Variants in ZZEF1 observed in about 807,000 individuals in gnomAD.
ZZEF1 encodes the protein zinc finger ZZ-type and EF-hand domain containing 1, also known as zinc finger ZZ-type and EF-hand domain-containing protein 1.
In ZZEF1, 157 loss-of-function variants were observed where a neutral mutation model predicts 342.8. The observed-to-expected ratio is 0.46, with a 90% CI of 0.40 to 0.52. ZZEF1 has a LOEUF of 0.52. Ranked by LOEUF, ZZEF1 falls within the 20% of genes least tolerant of loss-of-function variation. The pLI, the probability that ZZEF1 is intolerant of heterozygous loss-of-function variation, is 0.00. For missense variants in ZZEF1, 3,480 were observed against 3,725.6 expected (o/e 0.93, Z 1.72); for synonymous variants, 1,505 against 1,429.1 (o/e 1.05, Z -1.20).
chr17:4,029,869 C>A, intron 42 of ZZEF1, among the ~76,000 whole-genome samples: 1 of 116,926 alleles, frequency 8.6e-6, no homozygotes, highest in East Asian at 2.4e-4. Context: ...AGCAAAACTC[C>A]ATCTCAAAAA....
intron 45 of ZZEF1, among the ~76,000 whole-genome samples, chr17:4,020,200 G>A (rs569451854): frequency 6.6e-6 from 1 of 152,308 alleles, no homozygotes; most frequent in South Asian, 2.1e-4. Context: ...TGTGATCATA[G>A]CTCATACCAC....
At chr17:4,076,276 C>T (rs1468826443) in intron 21 of ZZEF1, 5 of 154,798 alleles carry the variant, frequency 3.2e-5, no homozygotes, top group African/African-American at 9.8e-5. Context: ...GGACTACAGG[C>T]GCCCACCATC....
chr17:4,007,117 G>A (rs1341754195), intron 54 of ZZEF1, 147 bp from the exon 55 acceptor site: 8 of 684,786 alleles, frequency 1.2e-5, no homozygotes, highest in Admixed American at 3.0e-5. Flanking sequence ...CCTGCAGAGT[G>A]GAGAGAGAAA....
chr17:4,110,474 C>G (rs780413535), intron 5 of ZZEF1, among the ~76,000 whole-genome samples: 1 of 152,172 alleles, frequency 6.6e-6, no homozygotes, highest in Non-Finnish European at 1.5e-5. Flanking sequence ...CACAAAGACT[C>G]TACCTCCCTA....
intron 1 of ZZEF1, among the ~76,000 whole-genome samples, chr17:4,129,018 C>T (rs1031995376): frequency 6.6e-5 from 10 of 152,038 alleles, no homozygotes; most frequent in African/African-American, 1.7e-4. Flanking sequence ...CTGCCCACCT[C>T]GGCCTCCCAA....
Position 4,017,512 on chromosome 17 carries a change from G to C in ZZEF1, c.7860C>G (p.Arg2620=), listed in dbSNP as rs2144959579. 1.2e-6 allele frequency: 2 copies of C among 1,614,274 alleles called. No individual in the cohort carries two copies. ...CGGCGAGCAGGGATGCAAGCACGTG[G>C]CGGGCGTACAGGACAGCTGTGGCCT... ...VNEATAVLYA[R]HVLASLLAEW... is the part of the protein sequence containing the mutation. The change falls in exon 48 of 55, where the codon CGC becomes CGG. Residue 2620 remains arginine, a synonymous_variant. Transcript: ENST00000381638. This position sits in a 1 kb window ranked among gnomAD's most constrained non-coding sequence, Gnocchi z 5.1.
chr17:4,024,178 T>C (rs916435719), intron 43 of ZZEF1, among the ~76,000 whole-genome samples: 1 of 142,700 alleles, frequency 7.0e-6, no homozygotes, highest in African/African-American at 2.7e-5. Flanking sequence ...ATGCCAAATA[T>C]TGCCCAGGTT....
chr17:4,098,871 C>T (rs1157397103), intron 9 of ZZEF1, among the ~76,000 whole-genome samples: 1 of 152,186 alleles, frequency 6.6e-6, no homozygotes, highest in African/African-American at 2.4e-5. Context: ...ATCCATACTA[C>T]CAACAATTCA....
intron 43 of ZZEF1, among the ~76,000 whole-genome samples, 199 bp downstream of exon 43, chr17:4,024,720 G>T (rs905001486): frequency 6.6e-6 from 1 of 152,202 alleles, no homozygotes; most frequent in African/African-American, 2.4e-5. Context: ...TGAAACAATG[G>T]AAAGACAGAG....
At chr17:4,074,691 C>T (rs2057575078) in intron 23 of ZZEF1, among the ~76,000 whole-genome samples, 1 of 152,208 alleles carries the variant, frequency 6.6e-6, no homozygotes, top group Admixed American at 6.5e-5. Flanking sequence ...TGAGGCAGTA[C>T]TAAACCTCCA....
chr17:4,055,878 G>A lies in ZZEF1; in HGVS notation c.5295+338C>T, dbSNP rs112534056. Among the ~76,000 whole-genome samples the A allele has an allele frequency of 7.6e-4, 116 of 152,296 alleles. 1 individual carries two copies. The highest frequency in any genetic ancestry group is 2.6e-3 in the African/African-American group (108 of 41,566). ...ACAGGACTGGGTGGGGGATGGTTTC[G>A]GGATGAAACTGTTCCACCTCAGATC... On this transcript the variant is annotated intron_variant, in intron 33 of 54. Transcript: ENST00000381638.
chr17:4,062,371 C>A (rs529125351), intron 30 of ZZEF1, among the ~76,000 whole-genome samples: 1 of 151,260 alleles, frequency 6.6e-6, no homozygotes, highest in African/African-American at 2.4e-5. Flanking sequence ...GACATTCTAG[C>A]ACACTAGATG....
In ZZEF1 at chr17:4,142,732, C is replaced by A; in HGVS notation, c.164G>T (p.Arg55Met). The change falls in exon 1 of 55, where the codon AGG becomes ATG. Residue 55 changes from arginine to methionine, a missense_variant. This residue lies in a region of ZZEF1 where 416 missense variants were observed against 374.2 expected (regional missense o/e 1.11). Transcript: ENST00000381638. ...PPAAALLEPA[R>M]LREAAAALLP... ...CAACGCTGCAGCAGCCTCTCGCAGC[C>A]TGGCCGGCTCCAGCAGCGCCGCGGC... 6.5e-7 allele frequency: 1 copy of A among 1,539,564 alleles called. No homozygotes were observed. Among genetic ancestry groups the A allele is most frequent in the Non-Finnish European group, 8.7e-7 (1 of 1,148,414 alleles).
intron 30 of ZZEF1, among the ~76,000 whole-genome samples, chr17:4,060,321 T>C (rs2057256193): frequency 6.6e-6 from 1 of 152,102 alleles, no homozygotes; most frequent in Non-Finnish European, 1.5e-5. Flanking sequence ...TCCCATCACT[T>C]AGGGAGGCTG....
At chr17:4,011,732 T>G (rs903147623) in intron 52 of ZZEF1, among the ~76,000 whole-genome samples, 1 of 152,216 alleles carries the variant, frequency 6.6e-6, no homozygotes, top group Non-Finnish European at 1.5e-5. Context: ...TCTTATGACT[T>G]GAAAAATTAT....
Position 4,142,604 on chromosome 17 carries a change from C to G in ZZEF1, c.292G>C (p.Glu98Gln). The G allele has an allele frequency of 6.2e-7, 1 of 1,605,438 alleles. No homozygotes were observed. The highest frequency in any genetic ancestry group is 8.5e-7 in the Non-Finnish European group (1 of 1,179,746). Residue 98 changes from glutamate (E) to glutamine (Q), a missense_variant, in exon 1 of 55, where the codon GAG becomes CAG. Transcript: ENST00000381638. ...GCCTCCAGCAGCTCCCGGAACTGCT[C>G]CAGAGTGACAGACTCTTCGCCGCGG... ...LGRGEESVTLEQFRELLEARG... is the reference protein window; with the variant it reads ...LGRGEESVTLQQFRELLEARG...
chr17:4,050,920 G>C lies in ZZEF1; in HGVS notation c.5724C>G (p.Leu1908=). The C allele has an allele frequency of 6.2e-7, 1 of 1,614,248 alleles. No individual in the cohort carries two copies. Among genetic ancestry groups the C allele is most frequent in the Non-Finnish European group, 8.5e-7 (1 of 1,180,046 alleles). ...CTGCACTGGCCAGGTGGGCGCTATA[G>C]AGAGCCAGGGCAGCAAAGAGCAGCC... is the stretch of plus-strand genomic sequence containing the variant. ...YSWLLFAALA[L]YSAHLASAED... The change falls in exon 36 of 55, where the codon CTC becomes CTG. Residue 1908 remains leucine, a synonymous_variant. Transcript: ENST00000381638.
At chr17:4,048,334 A>G (rs2056970342) in intron 37 of ZZEF1, among the ~76,000 whole-genome samples, 2 of 152,336 alleles carry the variant, frequency 1.3e-5, no homozygotes, top group South Asian at 2.1e-4. Flanking sequence ...TCTGCTGGCC[A>G]GTTTTGCTTT....
chr17:4,011,812 C>T (rs1188815848), intron 52 of ZZEF1, among the ~76,000 whole-genome samples: 5 of 152,124 alleles, frequency 3.3e-5, no homozygotes, highest in Admixed American at 3.3e-4. Flanking sequence ...ATAAAACAAA[C>T]AGGAAAATTC....
Sources: allele counts gnomAD v4.1 joint callset (sites outside exome capture counted in the v4.1 genomes callset), GRCh38; gene constraint gnomAD v4.1.1; regional missense constraint gnomAD v4.1.1; non-coding constraint Gnocchi (gnomAD v3.1); transcripts MANE v1.5; gene names NCBI Gene and HGNC (gene_info 2026-07-23, HGNC 2026-07-21).